Variants in RRM2B observed in about 807,000 individuals in gnomAD.
RRM2B encodes the protein ribonucleotide reductase regulatory TP53 inducible subunit M2B, also known as ribonucleoside-diphosphate reductase subunit M2 B.
A neutral mutation model predicts 45.9 loss-of-function variants in RRM2B; 20 were observed. That is an observed-to-expected ratio of 0.44 (90% confidence interval 0.31 to 0.63). The LOEUF (loss-of-function observed/expected upper bound fraction) is 0.63. RRM2B is among the 30% of genes least tolerant of loss of function. RRM2B has a pLI of 0.09. For missense variants in RRM2B, 320 were observed against 414.7 expected (o/e 0.77, Z 1.98); for synonymous variants, 124 against 132.3 (o/e 0.94, Z 0.43).
At chr8:102,238,604 A>G in intron 1 of RRM2B, 1 of 1,527,152 alleles carries the variant, frequency 6.5e-7, no homozygotes, top group Non-Finnish European at 8.8e-7. Context: ...GCCCCGGGGC[A>G]GAGCAGCGAG....
chr8:102,232,441 C>T (rs1811049149), intron 1 of RRM2B, 137 bp from the exon 2 acceptor site: 3 of 822,640 alleles, frequency 3.6e-6, no homozygotes, highest in Non-Finnish European at 6.1e-6. Flanking sequence ...CTTACTGTTA[C>T]CTGGTAGCTG....
intron 6 of RRM2B, among the ~76,000 whole-genome samples, chr8:102,217,252 AAT>A (rs1241938985): frequency 6.6e-6 from 1 of 152,106 alleles, no homozygotes; most frequent in Non-Finnish European, 1.5e-5. Flanking sequence ...GAATGATTAA[AAT>A]ATGTTTATAT....
At chr8:102,218,055 T>C (rs1395281025) in intron 6 of RRM2B, among the ~76,000 whole-genome samples, 1 of 152,082 alleles carries the variant, frequency 6.6e-6, no homozygotes, top group Non-Finnish European at 1.5e-5. Flanking sequence ...TGAGTTTGAT[T>C]TCTGAAATAA....
chr8:102,236,175 G>A (rs1811117560), intron 1 of RRM2B, among the ~76,000 whole-genome samples: 1 of 152,148 alleles, frequency 6.6e-6, no homozygotes, highest in African/African-American at 2.4e-5. Flanking sequence ...AGACTAAGAG[G>A]TTAGGAATCA....
intron 1 of RRM2B, among the ~76,000 whole-genome samples, chr8:102,236,289 C>G (rs1811119380): frequency 6.6e-6 from 1 of 152,104 alleles, no homozygotes; most frequent in African/African-American, 2.4e-5. Flanking sequence ...TAGCAGGGTA[C>G]AGTTTGAAAA....
chr8:102,213,951 T>C, intron 7 of RRM2B, 103 bp downstream of exon 7: 1 of 782,608 alleles, frequency 1.3e-6, no homozygotes, highest in East Asian at 2.6e-5. Context: ...ATAAAATTGC[T>C]GGTATTTTTA....
chr8:102,229,280 A>AC (rs1810988311), intron 2 of RRM2B, among the ~76,000 whole-genome samples: 4 of 148,254 alleles, frequency 2.7e-5, no homozygotes, highest in Admixed American at 1.3e-4. Context: ...ACAACAAAAA[A>AC]AAAAAAACCC....
At chr8:102,236,138 A>G (rs890471984) in intron 1 of RRM2B, among the ~76,000 whole-genome samples, 37 of 152,364 alleles carry the variant, frequency 2.4e-4, no homozygotes, top group African/African-American at 7.9e-4. Flanking sequence ...TGGCTAAAGC[A>G]AAGGATCTAG....
intron 6 of RRM2B, 123 bp from the exon 7 acceptor site, chr8:102,214,281 GA>G: frequency 1.4e-6 from 1 of 718,818 alleles, no homozygotes; most frequent in Non-Finnish European, 2.5e-6. Flanking sequence ...GAAAATGGAA[GA>G]GGGGTTAATA....
chr8:102,208,207 C>A lies in RRM2B; in HGVS notation c.982G>T (p.Val328Phe). 6.2e-7 allele frequency: 1 copy of A among 1,611,634 alleles called. No homozygotes were observed. The highest frequency in any genetic ancestry group is 8.5e-7 in the Non-Finnish European group (1 of 1,177,932). Residue 328 changes from valine to phenylalanine, a missense_variant, in exon 9 of 9, where the codon GTT (valine) becomes TTT (phenylalanine). By Grantham distance (50) the Val-to-Phe change is conservative. Transcript: ENST00000251810. ...EGKTNFFEKR[V>F]SEYQRFAVMA... is the part of the protein sequence containing the mutation. ...ACTGCAAAACGCTGATACTCTGAAA[C>A]TCGTTTCTCAAAGAAATTTGTTTTT... is the stretch of plus-strand genomic sequence containing the variant.
At chr8:102,215,674 G>C (rs781689591) in intron 6 of RRM2B, among the ~76,000 whole-genome samples, 4 of 151,992 alleles carry the variant, frequency 2.6e-5, no homozygotes, top group Non-Finnish European at 4.4e-5. Context: ...GGCTGGGCAC[G>C]GGGGCTCATG....
At chr8:102,228,482 G>GCC (rs1319872652) in intron 2 of RRM2B, among the ~76,000 whole-genome samples, 1 of 152,200 alleles carries the variant, frequency 6.6e-6, no homozygotes, top group Admixed American at 6.5e-5. Flanking sequence ...CTGACCCTCT[G>GCC]CCCTCACTGG....
intron 6 of RRM2B, among the ~76,000 whole-genome samples, chr8:102,216,308 A>T (rs1313205305): frequency 6.6e-6 from 1 of 152,098 alleles, no homozygotes; most frequent in Non-Finnish European, 1.5e-5. Flanking sequence ...TACAAATTCC[A>T]ATTGCATTAC....
chr8:102,236,172 G>A (rs1337886170), intron 1 of RRM2B, among the ~76,000 whole-genome samples: 1 of 152,218 alleles, frequency 6.6e-6, no homozygotes, highest in Non-Finnish European at 1.5e-5. Context: ...ATCAGACTAA[G>A]AGGTTAGGAA....
chr8:102,234,256 C>T (rs28999687), intron 1 of RRM2B, among the ~76,000 whole-genome samples: 15 of 152,244 alleles, frequency 9.9e-5, no homozygotes, highest in African/African-American at 3.6e-4. Flanking sequence ...GAATGAAAGT[C>T]ACATTTGTAT....
At chr8:102,228,449 T>C (rs1042174013) in intron 2 of RRM2B, among the ~76,000 whole-genome samples, 1 of 152,172 alleles carries the variant, frequency 6.6e-6, no homozygotes, top group African/African-American at 2.4e-5. Flanking sequence ...GTGCCACAGG[T>C]GTGGATGCTA....
intron 8 of RRM2B, among the ~76,000 whole-genome samples, chr8:102,210,788 T>C (rs1057444535): frequency 6.6e-6 from 1 of 151,928 alleles, no homozygotes; most frequent in Non-Finnish European, 1.5e-5. Context: ...TTTGTAGAGA[T>C]AGGGTCTTGC....
Position 102,219,014 on chromosome 8 carries a change from C to A in RRM2B, c.551-67G>T. On this transcript the variant is annotated intron_variant, in intron 5 of 8. Transcript: ENST00000251810. Reference sequence around the variant, plus strand: ...AAACATTTGCATATATATATATACACATATATAACAATAAATACCACAACT... The same window carrying A: ...AAACATTTGCATATATATATATACAAATATATAACAATAAATACCACAACT... 3 of 1,406,478 alleles carry A rather than the reference C, an allele frequency of 2.1e-6. No homozygotes were observed. The Admixed American group carries it at 5.1e-5, about 24-fold the overall frequency. The allele number at this position is 1,406,478 out of a possible 1,614,324, so 87.1% of individuals were successfully genotyped here.
chr8:102,233,586 G>T (rs1482709780), intron 1 of RRM2B, among the ~76,000 whole-genome samples: 2 of 152,148 alleles, frequency 1.3e-5, no homozygotes, highest in South Asian at 4.1e-4. Flanking sequence ...ACATCAGTGA[G>T]ACAACCCAAT....
Sources: allele counts gnomAD v4.1 joint callset (sites outside exome capture counted in the v4.1 genomes callset), GRCh38; gene constraint gnomAD v4.1.1; transcripts MANE v1.5; gene names NCBI Gene and HGNC (gene_info 2026-07-23, HGNC 2026-07-21).